The following DIAPH3 variants were observed in gnomAD, a reference collection of about 807,000 sequenced individuals.
DIAPH3 encodes protein diaphanous homolog 3.
In DIAPH3, 117 loss-of-function variants were observed where a neutral mutation model predicts 144.3. The ratio of observed to expected loss-of-function variants is 0.81; its 90% CI spans 0.70 to 0.95. DIAPH3 has a LOEUF of 0.95. DIAPH3 is among the 40% of genes least tolerant of loss of function. The pLI, the probability that DIAPH3 is intolerant of heterozygous loss-of-function variation, is 0.00. For synonymous variants in DIAPH3, 519 were observed against 488.9 expected, an observed-to-expected ratio of 1.06 and a Z score of -0.81; for missense variants, 1,421 against 1,412.7, an observed-to-expected ratio of 1.01 and a Z score of -0.09.
At position 60,093,134 on chromosome 13, in the gene DIAPH3, T is replaced by A. The variant is rs73532999; in HGVS notation, c.495+494A>T. On this transcript the variant is annotated intron_variant, in intron 4 of 27. Transcript: ENST00000400324. ...TACTTCCACCCACATATTTCATGTT[T>A]CTCTAGAAAATTGGCAGCCATGTAG... is the stretch of plus-strand genomic sequence containing the variant. Among the ~76,000 whole-genome samples the A allele has an allele frequency of 8.7e-3, 1,331 of 152,340 alleles. 17 individuals carry two copies. The highest frequency in any genetic ancestry group is 0.03 in the African/African-American group (1,251 of 41,576).
chr13:60,068,178 C>T (rs988907410), intron 4 of DIAPH3, among the ~76,000 whole-genome samples: 7 of 152,170 alleles, frequency 4.6e-5, no homozygotes, highest in Non-Finnish European at 1.0e-4. Flanking sequence ...CATCTTTGTG[C>T]ATATGTGCTC....
chr13:60,107,236 T>TA (rs2058446137), intron 3 of DIAPH3, among the ~76,000 whole-genome samples: 1 of 151,902 alleles, frequency 6.6e-6, no homozygotes, highest in Non-Finnish European at 1.5e-5. Flanking sequence ...AAGGTTTTGT[T>TA]CCGTATAACT....
At chr13:60,140,444 G>T (rs2059400962) in intron 1 of DIAPH3, among the ~76,000 whole-genome samples, 1 of 151,914 alleles carries the variant, frequency 6.6e-6, no homozygotes, top group Non-Finnish European at 1.5e-5. Context: ...CCAAACATAG[G>T]AAAGATTAAA....
chr13:59,868,078 T>TCC, intron 21 of DIAPH3, among the ~76,000 whole-genome samples: 3 of 152,058 alleles, frequency 2.0e-5, no homozygotes, highest in African/African-American at 7.2e-5. Context: ...AGTGCCAGTC[T>TCC]ATGAAAGCCA....
chr13:60,102,948 C>T (rs189819914), intron 3 of DIAPH3, among the ~76,000 whole-genome samples: 2 of 152,058 alleles, frequency 1.3e-5, no homozygotes, highest in African/African-American at 2.4e-5. Flanking sequence ...AATTAGTCAG[C>T]GGCAGCCCTT....
At chr13:59,674,456 A>G (rs796282570) in intron 27 of DIAPH3, among the ~76,000 whole-genome samples, 2 of 152,236 alleles carry the variant, frequency 1.3e-5, no homozygotes, top group African/African-American at 4.8e-5. Context: ...CTACTTTTCG[A>G]TGATTCATTT....
chr13:59,902,262 C>G (rs770989427), intron 20 of DIAPH3, among the ~76,000 whole-genome samples: 6 of 151,982 alleles, frequency 3.9e-5, no homozygotes, highest in Non-Finnish European at 8.8e-5. Flanking sequence ...TGGATTTCCC[C>G]CTTTGGTGCT....
intron 7 of DIAPH3, among the ~76,000 whole-genome samples, chr13:60,014,660 A>G (rs1158314733): frequency 3.9e-5 from 6 of 152,164 alleles, no homozygotes; most frequent in Admixed American, 3.9e-4. Flanking sequence ...TTTGTTTTTA[A>G]ATTAGAATAA....
chr13:60,043,658 C>T (rs1204697873), intron 4 of DIAPH3, among the ~76,000 whole-genome samples: 1 of 152,148 alleles, frequency 6.6e-6, no homozygotes, highest in Non-Finnish European at 1.5e-5. Context: ...TTAGAGTTCA[C>T]TCATTATTCA....
Position 60,042,674 on chromosome 13 carries a change from C to T in DIAPH3, c.626+16G>A. 6.2e-7 allele frequency: 1 copy of T among 1,613,182 alleles called. No individual in the cohort carries two copies. The highest frequency in any genetic ancestry group is 1.3e-5 in the African/African-American group (1 of 75,002). On this transcript the variant is annotated intron_variant, in intron 5 of 27. Transcript: ENST00000400324. Reference sequence around the variant, plus strand: ...TAATGACATCTGCCCTGTTGGTGTTCAAATAGATGAATTACCTCACAGGAT... The same window carrying T: ...TAATGACATCTGCCCTGTTGGTGTTTAAATAGATGAATTACCTCACAGGAT...
intron 5 of DIAPH3, among the ~76,000 whole-genome samples, chr13:60,019,853 G>A (rs2053892141): frequency 1.3e-5 from 2 of 152,080 alleles, no homozygotes; most frequent in Non-Finnish European, 2.9e-5. Flanking sequence ...TTTACCTCCT[G>A]GCCAAAAGGA....
chr13:60,001,846 G>GA (rs971588142), intron 9 of DIAPH3, among the ~76,000 whole-genome samples: 7 of 152,202 alleles, frequency 4.6e-5, no homozygotes, highest in East Asian at 3.9e-4. Context: ...GCTTCCTGGA[G>GA]AAAAAAACTG....
At chr13:59,872,803 G>A (rs1474503448) in intron 21 of DIAPH3, among the ~76,000 whole-genome samples, 2 of 152,218 alleles carry the variant, frequency 1.3e-5, no homozygotes, top group Non-Finnish European at 2.9e-5. Context: ...CGCCGAGGAG[G>A]ATTCAGAGGC....
chr13:59,847,249 C>T (rs928305019), intron 22 of DIAPH3, among the ~76,000 whole-genome samples: 2 of 152,166 alleles, frequency 1.3e-5, no homozygotes, highest in Non-Finnish European at 2.9e-5. Context: ...AATTAATTTA[C>T]TATACTGTAT....
intron 21 of DIAPH3, among the ~76,000 whole-genome samples, chr13:59,867,707 C>CA (rs1465530716): frequency 6.6e-6 from 1 of 152,070 alleles, no homozygotes; most frequent in Non-Finnish European, 1.5e-5. Context: ...TAGCATACTA[C>CA]ATTATCTACT....
intron 17 of DIAPH3, among the ~76,000 whole-genome samples, chr13:59,926,305 A>G (rs532541991): frequency 6.6e-6 from 1 of 151,860 alleles, no homozygotes; most frequent in Admixed American, 6.5e-5. Flanking sequence ...TTCTTTTTTT[A>G]TCTGTTTCAT....
intron 5 of DIAPH3, among the ~76,000 whole-genome samples, chr13:60,021,841 T>C (rs925606779): frequency 2.0e-5 from 3 of 152,038 alleles, no homozygotes; most frequent in Non-Finnish European, 4.4e-5. Context: ...CCACAAGAAA[T>C]TGGGTTCTGC....
chr13:59,997,043 T>C (rs945016354), intron 9 of DIAPH3, among the ~76,000 whole-genome samples: 7 of 152,100 alleles, frequency 4.6e-5, no homozygotes, highest in African/African-American at 1.2e-4. Context: ...TACATGCATA[T>C]AAGGTGCAGT....
At chr13:59,800,843 CAG>C (rs1267398989) in intron 25 of DIAPH3, among the ~76,000 whole-genome samples, 1 of 152,084 alleles carries the variant, frequency 6.6e-6, no homozygotes, top group Non-Finnish European at 1.5e-5. Flanking sequence ...GTACAATTAA[CAG>C]AGTCACAGCA....
Sources: gnomAD v4.1 joint callset for allele counts (sites outside exome capture counted in the v4.1 genomes callset) on GRCh38, gnomAD v4.1.1 for gene constraint, MANE v1.5 for transcripts, NCBI Gene and HGNC (gene_info 2026-07-23, HGNC 2026-07-21) for gene names.